TDRD3: variants seen among roughly 807,000 people sequenced by gnomAD.
The protein encoded by TDRD3 is tudor domain containing 3.
Under a neutral mutation model 86.7 loss-of-function variants are expected in TDRD3, and 45 were observed. The observed-to-expected ratio is 0.52, with a 90% CI of 0.41 to 0.67. TDRD3 has a LOEUF of 0.67. Ranked by LOEUF, TDRD3 falls within the 30% of genes least tolerant of loss-of-function variation. The probability of loss-of-function intolerance (pLI) is 0.00; values close to 1 mark genes in which losing one functional copy is unlikely to be tolerated. For missense variants in TDRD3, 814 were observed against 889.0 expected, an observed-to-expected ratio of 0.92 and a Z score of 1.07; for synonymous variants, 298 against 301.7, an observed-to-expected ratio of 0.99 and a Z score of 0.13.
At chr13:60,569,367 A>T (rs1051549411) in intron 13 of TDRD3, among the ~76,000 whole-genome samples, 1 of 152,198 alleles carries the variant, frequency 6.6e-6, no homozygotes, top group African/African-American at 2.4e-5. Flanking sequence ...TTAACCAAAG[A>T]AGTGAAAGAT....
intron 5 of TDRD3, among the ~76,000 whole-genome samples, chr13:60,480,474 G>A (rs2137481025): frequency 6.6e-6 from 1 of 152,226 alleles, no homozygotes; most frequent in South Asian, 2.1e-4. Flanking sequence ...CTTGGGAATA[G>A]TCATCTTGCA....
chr13:60,499,504 T>G (rs1317750966), intron 8 of TDRD3, among the ~76,000 whole-genome samples: 2 of 152,256 alleles, frequency 1.3e-5, no homozygotes, highest in Non-Finnish European at 2.9e-5. Flanking sequence ...TCTGGCTTTG[T>G]GTCATAATTG....
intron 5 of TDRD3, among the ~76,000 whole-genome samples, chr13:60,482,874 T>C (rs1170627310): frequency 6.6e-6 from 1 of 151,956 alleles, no homozygotes; most frequent in Non-Finnish European, 1.5e-5. Flanking sequence ...TTTTACATAT[T>C]TTAATCATAA....
At chr13:60,462,159 G>A (rs1256753289) in intron 4 of TDRD3, among the ~76,000 whole-genome samples, 1 of 152,220 alleles carries the variant, frequency 6.6e-6, no homozygotes. Context: ...GTACTTTTGT[G>A]TAGAAACAGC....
rs887700607 is a variant in TDRD3, at chr13:60,547,466, G to A, written c.2118+12233G>A. The stretch of plus-strand genomic sequence containing the variant: ...AGACCTGGGTTCGAGTCCTGGCTCT[G>A]CCACTTACTACCTATGTGACTTTGG... On this transcript the variant is annotated intron_variant, in intron 12 of 13. Transcript: ENST00000377881. The A allele has an allele frequency of 1.4e-5, 13 of 946,778 alleles. No homozygotes were observed. The Admixed American group carries it at 6.8e-4, about 49-fold the overall frequency. 58.6% of individuals were successfully genotyped at this position (946,778 alleles called of 1,614,324 possible). A position where few individuals can be genotyped will look rare whatever the true frequency, so the allele number is the denominator to read the frequency against.
Position 60,402,516 on chromosome 13 carries a change from G to C in TDRD3, c.41+5111G>C, listed in dbSNP as rs117045266. ...TTATAAGGTTTAATATTAAGTGCAG[G>C]GTTTTTAAAATCTAGAATTATGATA... On this transcript the variant is annotated intron_variant, in intron 1 of 13. Coordinates refer to ENST00000377881, the MANE Select transcript of TDRD3 (RefSeq NM_001146070.2). 3.3e-3 allele frequency among the ~76,000 whole-genome samples: 502 copies of C among 152,086 alleles called. 4 individuals carry two copies. The highest frequency in any genetic ancestry group is 0.025 in the East Asian group (130 of 5,190).
At chr13:60,498,849 A>G (rs1426720667) in intron 8 of TDRD3, among the ~76,000 whole-genome samples, 1 of 152,168 alleles carries the variant, frequency 6.6e-6, no homozygotes, top group Non-Finnish European at 1.5e-5. Context: ...GGGACCCAAA[A>G]TGTCACTGTG....
intron 10 of TDRD3, among the ~76,000 whole-genome samples, chr13:60,515,659 G>T (rs9538732): frequency 6.6e-6 from 1 of 152,132 alleles, no homozygotes; most frequent in African/African-American, 2.4e-5. Context: ...ACACTACTCA[G>T]TGCCAGTATT....
intron 12 of TDRD3, among the ~76,000 whole-genome samples, chr13:60,565,823 A>T (rs74078483): frequency 0.016 from 2,404 of 152,334 alleles, 56 homozygotes; most frequent in African/African-American, 0.054. Context: ...CTTGAAAATC[A>T]TTCAGAACAC....
chr13:60,532,355 CTAAA>C (rs1957601734), intron 11 of TDRD3, among the ~76,000 whole-genome samples: 2 of 152,066 alleles, frequency 1.3e-5, no homozygotes, highest in Admixed American at 1.3e-4. Flanking sequence ...ACTGTGGACT[CTAAA>C]TAGATTACAC....
At chr13:60,480,696 T>A (rs1956290184) in intron 5 of TDRD3, among the ~76,000 whole-genome samples, 1 of 152,156 alleles carries the variant, frequency 6.6e-6, no homozygotes, top group Admixed American at 6.5e-5. Flanking sequence ...TAAATTATAA[T>A]TTACCTCAGG....
chr13:60,458,374 C>T (rs776893939), intron 3 of TDRD3, among the ~76,000 whole-genome samples: 2 of 152,120 alleles, frequency 1.3e-5, no homozygotes, highest in Non-Finnish European at 2.9e-5. Flanking sequence ...GGCAGTTTGT[C>T]ACAACACATT....
chr13:60,567,328 T>C (rs1958482578), intron 12 of TDRD3, among the ~76,000 whole-genome samples, 197 bp from the exon 13 acceptor site: 2 of 148,384 alleles, frequency 1.3e-5, no homozygotes, highest in South Asian at 4.2e-4. Flanking sequence ...AAAAGAGTTT[T>C]AACAGTATCC....
chr13:60,467,156 G>A lies in TDRD3; in HGVS notation c.354-82G>A, dbSNP rs1409657342. 3.9e-6 allele frequency: 6 copies of A among 1,524,182 alleles called. No homozygotes were observed. In the African/African-American group the frequency reaches 4.2e-5, roughly 11 times the overall value. The allele number at this position is 1,524,182 out of a possible 1,614,324, so 94.4% of individuals were successfully genotyped here. A position where few individuals can be genotyped will look rare whatever the true frequency, so the allele number is the denominator to read the frequency against. On this transcript the variant is annotated intron_variant, in intron 4 of 13. Transcript: ENST00000377881. ...CTCCCACTACCCCACTGCCTGACAG[G>A]CCCCGGTCTGTGTTGTTTCCCGCCC...
chr13:60,501,332 G>A (rs1956826497), intron 8 of TDRD3, among the ~76,000 whole-genome samples: 1 of 152,194 alleles, frequency 6.6e-6, no homozygotes, highest in African/African-American at 2.4e-5. Flanking sequence ...GCAGAAAGAT[G>A]TGTCCATGCA....
intron 4 of TDRD3, among the ~76,000 whole-genome samples, chr13:60,465,213 A>G (rs1374913788): frequency 6.6e-6 from 1 of 152,206 alleles, no homozygotes; most frequent in Non-Finnish European, 1.5e-5. Flanking sequence ...TCTTAGGTAA[A>G]TGATCTAATT....
intron 12 of TDRD3, among the ~76,000 whole-genome samples, chr13:60,543,537 A>G (rs1439191381): frequency 6.6e-6 from 1 of 152,184 alleles, no homozygotes; most frequent in East Asian, 1.9e-4. Flanking sequence ...TCTACAGGAA[A>G]TACTTGGAAA....
intron 1 of TDRD3, among the ~76,000 whole-genome samples, chr13:60,412,177 G>T (rs929190332): frequency 6.6e-6 from 1 of 152,172 alleles, no homozygotes. Context: ...ATCCAATCAT[G>T]TGACAGTAAC....
chr13:60,404,806 C>T (rs943366091), intron 1 of TDRD3, among the ~76,000 whole-genome samples: 6 of 152,168 alleles, frequency 3.9e-5, no homozygotes, highest in Non-Finnish European at 5.9e-5. Flanking sequence ...TTTGGTTCTG[C>T]GTCCTCACCC....
Sources: gnomAD v4.1 joint callset for allele counts (sites outside exome capture counted in the v4.1 genomes callset) on GRCh38, gnomAD v4.1.1 for gene constraint, MANE v1.5 for transcripts, NCBI Gene and HGNC (gene_info 2026-07-23, HGNC 2026-07-21) for gene names.